CDH13: variants seen among roughly 807,000 people sequenced by gnomAD.
The protein encoded by CDH13 is cadherin 13.
A neutral mutation model predicts 63.8 loss-of-function variants in CDH13; 24 were observed. That is an observed-to-expected ratio of 0.38 (90% CI 0.27 to 0.53). CDH13 has a LOEUF of 0.53. CDH13 is among the 20% of genes least tolerant of loss of function. CDH13 has a pLI of 0.85. For missense variants in CDH13, 1,049 were observed against 903.1 expected, an observed-to-expected ratio of 1.16 and a Z score of -2.07; for synonymous variants, 503 against 355.3, an observed-to-expected ratio of 1.42 and a Z score of -4.67.
At chr16:83,647,117 T>A (rs1567478587) in intron 8 of CDH13, among the ~76,000 whole-genome samples, 1 of 151,956 alleles carries the variant, frequency 6.6e-6, no homozygotes, top group South Asian at 2.1e-4. Context: ...GAGACCATCC[T>A]GTATAACACG....
At chr16:82,751,559 C>G (rs911528444) in intron 1 of CDH13, among the ~76,000 whole-genome samples, 8 of 152,102 alleles carry the variant, frequency 5.3e-5, no homozygotes, top group Non-Finnish European at 1.0e-4. Flanking sequence ...GCATGTAACC[C>G]ACATGCAGAA....
At chr16:83,761,809 G>C (rs151048042) in intron 11 of CDH13, among the ~76,000 whole-genome samples, 45 of 152,322 alleles carry the variant, frequency 3.0e-4, no homozygotes, top group African/African-American at 1.1e-3. Flanking sequence ...GCTCACGCTT[G>C]TAATCCCAGC....
chr16:83,501,582 A>G (rs1053959538), intron 7 of CDH13, among the ~76,000 whole-genome samples: 2 of 152,186 alleles, frequency 1.3e-5, no homozygotes, highest in South Asian at 2.1e-4. Flanking sequence ...CAGGCATTAC[A>G]TTAGGTCCAT....
intron 1 of CDH13, among the ~76,000 whole-genome samples, chr16:82,782,316 C>T (rs1220428305): frequency 6.6e-6 from 1 of 152,164 alleles, no homozygotes; most frequent in Non-Finnish European, 1.5e-5. Flanking sequence ...AATCCCAGCA[C>T]TTTGGGAGGC....
chr16:82,903,811 T>C (rs1170046604), intron 2 of CDH13, among the ~76,000 whole-genome samples: 1 of 152,144 alleles, frequency 6.6e-6, no homozygotes, highest in Non-Finnish European at 1.5e-5. Flanking sequence ...GGGTTTATTA[T>C]CCATGTTTCG....
intron 5 of CDH13, among the ~76,000 whole-genome samples, chr16:83,270,664 C>G (rs1164868992): frequency 2.0e-5 from 3 of 152,156 alleles, no homozygotes; most frequent in African/African-American, 7.2e-5. Context: ...CTCAATAACT[C>G]TCCCTCACGC....
At chr16:83,522,730 G>A (rs988936089) in intron 7 of CDH13, among the ~76,000 whole-genome samples, 22 of 152,324 alleles carry the variant, frequency 1.4e-4, no homozygotes, top group African/African-American at 5.1e-4. Context: ...GCCATCTCCA[G>A]GTGGTGACAG....
In CDH13 at chr16:83,681,947, A is replaced by G. The variant is rs537403442; in HGVS notation, c.1538+3486A>G. ...CACTGGAAGAAGAAACTTAGCTGGA[A>G]AAGAACTCTTCCTTCTTCTCCTCCT... On this transcript the variant is annotated intron_variant, in intron 10 of 13. Coordinates refer to ENST00000567109, the MANE Select transcript of CDH13 (RefSeq NM_001257.5). Among the ~76,000 whole-genome samples the G allele has an allele frequency of 2.0e-5, 3 of 152,262 alleles. No homozygotes were observed. The South Asian group carries it at 6.2e-4, about 32-fold the overall frequency.
intron 1 of CDH13, among the ~76,000 whole-genome samples, chr16:82,761,017 C>CTTTTTTTTTTTTTTTT (rs35038319): frequency 0.018 from 738 of 40,482 alleles, 202 homozygotes; most frequent in Non-Finnish European, 0.025. Flanking sequence ...TTCTTTCTTT[C>CTTTTTTTTTTTTTTTT]TTTTTTTTTT....
At chr16:82,719,751 C>T (rs1041804858) in intron 1 of CDH13, among the ~76,000 whole-genome samples, 6 of 146,022 alleles carry the variant, frequency 4.1e-5, no homozygotes, top group Non-Finnish European at 8.9e-5. Flanking sequence ...GAGGCTGAAA[C>T]AGGAGAATCA....
intron 2 of CDH13, chr16:83,023,043 C>G (rs897745635): frequency 6.6e-5 from 10 of 152,160 alleles, no homozygotes; most frequent in Non-Finnish European, 1.3e-4. Context: ...TTTGGATTTT[C>G]ATCCCCAAGA....
intron 7 of CDH13, among the ~76,000 whole-genome samples, chr16:83,560,175 A>G (rs1163251479): frequency 6.6e-6 from 1 of 152,238 alleles, no homozygotes; most frequent in Non-Finnish European, 1.5e-5. Flanking sequence ...ACGAGATAGG[A>G]GAGGTCTCCC....
At chr16:83,045,634 TAAAAAAAAA>T (rs71382861) in intron 3 of CDH13, among the ~76,000 whole-genome samples, 6 of 107,948 alleles carry the variant, frequency 5.6e-5, no homozygotes, top group Admixed American at 9.8e-5. Context: ...AAGATTCCTT[TAAAAAAAAA>T]AAAAAAAAAA....
intron 6 of CDH13, among the ~76,000 whole-genome samples, chr16:83,431,811 C>A (rs1378805080): frequency 6.6e-6 from 1 of 152,162 alleles, no homozygotes; most frequent in African/African-American, 2.4e-5. Flanking sequence ...GATCTAATCG[C>A]CTCCCGCCAG....
chr16:82,864,313 C>T (rs16958794), intron 2 of CDH13, among the ~76,000 whole-genome samples: 5,875 of 152,204 alleles, frequency 0.039, 159 homozygotes, highest in Middle Eastern at 0.14. Context: ...CAATCATATG[C>T]ATGTTAGGAG....
intron 6 of CDH13, among the ~76,000 whole-genome samples, chr16:83,437,907 G>A (rs935217214): frequency 2.6e-5 from 4 of 151,940 alleles, no homozygotes; most frequent in South Asian, 2.1e-4. Context: ...GCCAGTTATC[G>A]CCCAACTCTC....
At chr16:83,300,401 G>C (rs11866091) in intron 5 of CDH13, among the ~76,000 whole-genome samples, 2,201 of 152,272 alleles carry the variant, frequency 0.014, 56 homozygotes, top group African/African-American at 0.049. Flanking sequence ...ATACAGTTCT[G>C]TGTCAATATT....
At chr16:82,742,642 G>A (rs1473526341) in intron 1 of CDH13, among the ~76,000 whole-genome samples, 2 of 152,152 alleles carry the variant, frequency 1.3e-5, no homozygotes, top group African/African-American at 2.4e-5. Flanking sequence ...AATTGTACCT[G>A]AGTGAAAGTA....
At chr16:82,661,497 C>A (rs1007633884) in intron 1 of CDH13, among the ~76,000 whole-genome samples, 1 of 152,204 alleles carries the variant, frequency 6.6e-6, no homozygotes, top group African/African-American at 2.4e-5. Flanking sequence ...AGCCAGCAGA[C>A]CTTCTTCCCA....
Sources: allele counts gnomAD v4.1 joint callset (sites outside exome capture counted in the v4.1 genomes callset), GRCh38; gene constraint gnomAD v4.1.1; transcripts MANE v1.5; gene names NCBI Gene and HGNC (gene_info 2026-07-23, HGNC 2026-07-21).